The following PTGES3 variants were observed in gnomAD, a reference collection of about 807,000 sequenced individuals.
PTGES3 encodes prostaglandin E synthase 3, also known as Hsp90 co-chaperone.
In PTGES3, 5 loss-of-function variants were observed where a neutral mutation model predicts 29.9. The observed-to-expected ratio is 0.17, with a 90% confidence interval of 0.09 to 0.35. The LOEUF (loss-of-function observed/expected upper bound fraction) is 0.35, where lower values mean the gene tolerates loss of function less well. Among genes scored for constraint, PTGES3 ranks in the 10% least tolerant of loss-of-function variants. The probability of loss-of-function intolerance (pLI) is 1.00; values close to 1 mark genes in which losing one functional copy is unlikely to be tolerated. For missense variants in PTGES3, 128 were observed against 190.0 expected (o/e 0.67, Z 1.92); for synonymous variants, 49 against 57.8 (o/e 0.85, Z 0.69).
chr12:56,680,822 A>C (rs899326229), intron 1 of PTGES3, among the ~76,000 whole-genome samples: 4 of 150,242 alleles, frequency 2.7e-5, no homozygotes, highest in Non-Finnish European at 4.4e-5. Context: ...TTTGTCATTC[A>C]GGCTGGAGTG....
intron 4 of PTGES3, among the ~76,000 whole-genome samples, chr12:56,671,103 T>C (rs981269227): frequency 6.7e-6 from 1 of 149,454 alleles, no homozygotes; most frequent in Non-Finnish European, 1.5e-5. Flanking sequence ...TGAGACTACC[T>C]AAAAAAAAAG....
chr12:56,669,007 A>ATTTTTTTTTTTTTTTTTTTTTTTTTTT, intron 5 of PTGES3, among the ~76,000 whole-genome samples: 1 of 97,058 alleles, frequency 1.0e-5, no homozygotes, highest in Admixed American at 1.4e-4. Flanking sequence ...TTCACCATGA[A>ATTTTTTTTTTTTTTTTTTTTTTTTTTT]TTTTTTTTTT....
chr12:56,666,029 T>TA (rs1951770825), intron 6 of PTGES3, 175 bp downstream of exon 6: 2 of 1,381,070 alleles, frequency 1.4e-6, no homozygotes, highest in African/African-American at 3.0e-5. Flanking sequence ...ACCAGTTCCC[T>TA]AATAGATACC....
chr12:56,676,480 T>C (rs1952255366), intron 1 of PTGES3, among the ~76,000 whole-genome samples: 1 of 152,124 alleles, frequency 6.6e-6, no homozygotes, highest in South Asian at 2.1e-4. Flanking sequence ...GAGAGTGATA[T>C]TTGACCTTGA....
chr12:56,680,149 G>A (rs1952461280), intron 1 of PTGES3, among the ~76,000 whole-genome samples: 1 of 149,414 alleles, frequency 6.7e-6, no homozygotes, highest in Non-Finnish European at 1.5e-5. Flanking sequence ...ACAGCTCACT[G>A]CAATCTTCAC....
chr12:56,681,694 A>T (rs1231158509), intron 1 of PTGES3, among the ~76,000 whole-genome samples: 3 of 151,756 alleles, frequency 2.0e-5, no homozygotes, highest in Admixed American at 2.0e-4. Context: ...CTTAAAAAAA[A>T]AAATACAAAA....
At chr12:56,665,807 A>C (rs1951763602) in intron 6 of PTGES3, 2 of 706,740 alleles carry the variant, frequency 2.8e-6, no homozygotes, top group South Asian at 6.3e-5. Context: ...TGTCTGGCTA[A>C]GTTTTTAAGA....
intron 5 of PTGES3, among the ~76,000 whole-genome samples, chr12:56,669,045 T>C (rs968421328): frequency 4.7e-5 from 7 of 147,738 alleles, no homozygotes; most frequent in African/African-American, 1.3e-4. Flanking sequence ...AGTCTTGCTC[T>C]GTCGCCCAGG....
At chr12:56,671,897 T>C (rs1324964796) in intron 3 of PTGES3, 50 bp from the exon 4 acceptor site, 1 of 1,112,916 alleles carries the variant, frequency 9.0e-7, no homozygotes. Flanking sequence ...CATCACTACA[T>C]GATAGAAAAT....
intron 1 of PTGES3, among the ~76,000 whole-genome samples, chr12:56,679,672 GGTTT>G (rs1340644353): frequency 3.3e-5 from 5 of 151,614 alleles, no homozygotes; most frequent in African/African-American, 9.7e-5. Flanking sequence ...ATATGTTTTG[GGTTT>G]GTTTTTTTAG....
intron 1 of PTGES3, among the ~76,000 whole-genome samples, chr12:56,674,152 GA>G (rs1952123620): frequency 6.6e-6 from 1 of 152,174 alleles, no homozygotes; most frequent in South Asian, 2.1e-4. Context: ...TGTATTTGGA[GA>G]AAGTGTCTTT....
chr12:56,674,417 C>T (rs895596681), intron 1 of PTGES3, among the ~76,000 whole-genome samples: 6 of 152,102 alleles, frequency 3.9e-5, no homozygotes, highest in Non-Finnish European at 5.9e-5. Context: ...GCAGGCCAGG[C>T]GCGGTGGCTC....
At position 56,688,036 on chromosome 12, in the gene PTGES3, G is replaced by A. The variant is rs1249374918; in HGVS notation, c.-37C>T. 1 of 1,510,770 alleles carries A rather than the reference G, an allele frequency of 6.6e-7. No individual in the cohort carries two copies. The highest frequency in any genetic ancestry group is 1.2e-5 in the South Asian group (1 of 81,314). 93.6% of individuals were successfully genotyped at this position (1,510,770 alleles called of 1,614,324 possible). ...CAGGGGGACGGGCGAACTGGTGGGC[G>A]GGCCTCTCTGGCGGCGGCTGCTGCT... On this transcript the variant is annotated 5_prime_UTR_variant, in exon 1 of 8. Transcript: ENST00000262033.
chr12:56,683,687 C>T (rs1952676280), intron 1 of PTGES3, among the ~76,000 whole-genome samples: 1 of 150,366 alleles, frequency 6.7e-6, no homozygotes, highest in African/African-American at 2.4e-5. Flanking sequence ...GGGCCGGGCG[C>T]GGTGGCTCAC....
chr12:56,665,788 C>T, intron 6 of PTGES3: 1 of 673,994 alleles, frequency 1.5e-6, no homozygotes, highest in Non-Finnish European at 1.8e-6. Flanking sequence ...TTACAGGCAC[C>T]TGCCATCATG....
In PTGES3 at chr12:56,667,068, T is replaced by C. The variant is rs1170855429; in HGVS notation, c.376-802A>G. 2.0e-5 allele frequency among the ~76,000 whole-genome samples: 3 copies of C among 152,126 alleles called. No homozygotes were observed. In the East Asian group the frequency reaches 5.8e-4, roughly 29 times the overall value. On this transcript the variant is annotated intron_variant, in intron 5 of 7. Coordinates refer to ENST00000262033, the MANE Select transcript of PTGES3 (RefSeq NM_006601.7). ...CTGAGTAGCTGGGATTACAGGCAGA[T>C]GCCACCACGCCCAGTTAGTTTTTGT...
chr12:56,679,773 G>A (rs1048471333), intron 1 of PTGES3, among the ~76,000 whole-genome samples: 2 of 152,042 alleles, frequency 1.3e-5, no homozygotes, highest in Non-Finnish European at 2.9e-5. Flanking sequence ...CTCCCAGGTT[G>A]AAGCAATTCT....
chr12:56,675,633 A>G (rs1236919391), intron 1 of PTGES3, among the ~76,000 whole-genome samples: 1 of 151,962 alleles, frequency 6.6e-6, no homozygotes, highest in Admixed American at 6.6e-5. Context: ...TAAAACTACA[A>G]ACAGGGCCGA....
intron 1 of PTGES3, among the ~76,000 whole-genome samples, chr12:56,681,420 C>A (rs1304736445): frequency 6.6e-6 from 1 of 151,534 alleles, no homozygotes; most frequent in African/African-American, 2.4e-5. Context: ...AGCCTGTAGT[C>A]CCAGCTACTC....
Sources: allele counts gnomAD v4.1 joint callset (sites outside exome capture counted in the v4.1 genomes callset), GRCh38; gene constraint gnomAD v4.1.1; transcripts MANE v1.5; gene names NCBI Gene and HGNC (gene_info 2026-07-23, HGNC 2026-07-21).